The following RGS6 variants were observed in gnomAD, a reference collection of about 807,000 sequenced individuals.
The protein encoded by RGS6 is regulator of G-protein signaling 6.
In RGS6, 30 loss-of-function variants were observed where a neutral mutation model predicts 78.5. The observed-to-expected ratio is 0.38, with a 90% CI of 0.29 to 0.52. The LOEUF is 0.52. Ranked by LOEUF, RGS6 falls within the 20% of genes least tolerant of loss-of-function variation. The probability of loss-of-function intolerance (pLI) is 0.85; values close to 1 mark genes in which losing one functional copy is unlikely to be tolerated. For synonymous variants in RGS6, 206 were observed against 206.0 expected (o/e 1.00, Z 0.00); for missense variants, 495 against 609.7 (o/e 0.81, Z 1.98).
intron 3 of RGS6, among the ~76,000 whole-genome samples, chr14:72,403,384 C>T (rs1267791595): frequency 2.0e-5 from 3 of 152,142 alleles, no homozygotes; most frequent in Admixed American, 6.5e-5. Context: ...CATTCACATA[C>T]AGAAGCTGAA....
At position 72,472,880 on chromosome 14, in the gene RGS6, G is replaced by A. The variant is rs745879240; in HGVS notation, c.545G>A (p.Arg182Gln). 40 of 1,610,154 alleles carry A rather than the reference G, an allele frequency of 2.5e-5. No homozygotes were observed. The South Asian group carries it at 3.3e-4, about 13-fold the overall frequency. The part of the protein sequence containing the change: ...MQAEAQVKID[R>Q]KKDKTERKIL... ...TCTCTTTACTCTTTCAGGATTGACC[G>A]GAAAAAAGACAAGACAGAAAGGAAA... is the stretch of plus-strand genomic sequence containing the variant. The change falls in exon 9 of 18, where the codon CGG becomes CAG. Residue 182 changes from arginine to glutamine, a missense_variant. Transcript: ENST00000553525.
intron 2 of RGS6, among the ~76,000 whole-genome samples, chr14:72,167,894 G>T (rs1846216585): frequency 6.6e-6 from 1 of 152,076 alleles, no homozygotes; most frequent in Admixed American, 6.5e-5. Flanking sequence ...AATTACTCTG[G>T]CCCTATTGGA....
chr14:72,506,728 A>G (rs549715107), intron 13 of RGS6, among the ~76,000 whole-genome samples: 145 of 152,314 alleles, frequency 9.5e-4, no homozygotes, highest in Non-Finnish European at 1.5e-3. Flanking sequence ...CTAAAAATTC[A>G]TGTCTTTCCC....
chr14:72,538,631 T>A (rs1276380153), intron 16 of RGS6, among the ~76,000 whole-genome samples: 1 of 152,204 alleles, frequency 6.6e-6, no homozygotes, highest in East Asian at 1.9e-4. Flanking sequence ...TTGAGCCAAG[T>A]GTATGCCACC....
chr14:72,491,882 A>C (rs2096582692), intron 12 of RGS6, among the ~76,000 whole-genome samples: 1 of 152,214 alleles, frequency 6.6e-6, no homozygotes, highest in Non-Finnish European at 1.5e-5. Flanking sequence ...CAAGTCTGTC[A>C]CAGGAGACTT....
rs1206941140 is a variant in RGS6 at position 72,434,697 on chromosome 14, G to A, written c.185-19831G>A. ...GGCATTGTATCCAGCAGTCAACATA[G>A]TCCTAGAATATAGAAGGCCCTCATG... On this transcript the variant is annotated intron_variant, in intron 3 of 17. Transcript: ENST00000553525. 3.3e-5 allele frequency among the ~76,000 whole-genome samples: 5 copies of A among 152,176 alleles called. 1 individual carries two copies. The East Asian group carries it at 7.7e-4, about 23-fold the overall frequency.
chr14:72,472,048 A>T (rs1762549369), intron 8 of RGS6, among the ~76,000 whole-genome samples: 1 of 151,362 alleles, frequency 6.6e-6, no homozygotes, highest in South Asian at 2.1e-4. Flanking sequence ...CAGGGTGATT[A>T]TGGGTTTATT....
intron 2 of RGS6, among the ~76,000 whole-genome samples, chr14:72,208,521 G>T (rs2043222379): frequency 6.6e-6 from 1 of 152,166 alleles, no homozygotes; most frequent in Non-Finnish European, 1.5e-5. Flanking sequence ...TAGTATAATG[G>T]TCTTTCTATT....
chr14:72,021,508 A>T (rs1225146207), intron 2 of RGS6, among the ~76,000 whole-genome samples: 5 of 121,194 alleles, frequency 4.1e-5, no homozygotes, highest in African/African-American at 1.7e-4. Flanking sequence ...CGCTCTTGTC[A>T]CCTGGGCTGG....
chr14:71,951,609 G>T (rs1486475775), intron 1 of RGS6, among the ~76,000 whole-genome samples: 1 of 152,056 alleles, frequency 6.6e-6, no homozygotes, highest in African/African-American at 2.4e-5. Context: ...CTAACCATTT[G>T]CATTACTGTA....
chr14:72,512,277 C>T (rs564431492), intron 14 of RGS6, among the ~76,000 whole-genome samples: 22 of 152,316 alleles, frequency 1.4e-4, no homozygotes, highest in African/African-American at 4.6e-4. Context: ...GTCCCAGGAG[C>T]ATCCACTGGC....
At chr14:71,902,869 C>A in the RGS6 span, among the ~76,000 whole-genome samples, 2 of 152,028 alleles carry the variant, frequency 1.3e-5, no homozygotes, top group Admixed American at 1.3e-4. Context: ...CGTAGATGAA[C>A]AAATAATGGA....
chr14:72,375,008 C>G (rs2084343582), intron 3 of RGS6, among the ~76,000 whole-genome samples: 1 of 151,996 alleles, frequency 6.6e-6, no homozygotes, highest in Non-Finnish European at 1.5e-5. Context: ...TTTGACACAG[C>G]TAAACAAAGA....
chr14:72,540,737 G>C lies in RGS6; in HGVS notation c.1422+643G>C, dbSNP rs185596127. The C allele has an allele frequency of 9.1e-5, 117 of 1,291,530 alleles. No homozygotes were observed. The African/African-American group carries it at 1.6e-3, about 18-fold the overall frequency. 80.0% of individuals were successfully genotyped at this position (1,291,530 alleles called of 1,614,324 possible). On this transcript the variant is annotated intron_variant, in intron 17 of 17. Transcript: ENST00000553525. ...AGGAGGGAAGTAGCTGAATCCCTGC[G>C]GTGTCCTGGGTACTCCCCGGGGGCA...
chr14:72,553,044 ATGCACATG>A (rs1235839313), intron 17 of RGS6, among the ~76,000 whole-genome samples: 4 of 152,212 alleles, frequency 2.6e-5, no homozygotes, highest in African/African-American at 7.2e-5. Flanking sequence ...GCACTGGTGT[ATGCACATG>A]TGCACAGGTG....
At chr14:72,436,906 G>A (rs1305756895) in intron 3 of RGS6, among the ~76,000 whole-genome samples, 1 of 152,192 alleles carries the variant, frequency 6.6e-6, no homozygotes, top group Non-Finnish European at 1.5e-5. Flanking sequence ...GAGTCAGAGT[G>A]CAGAGTTGAA....
chr14:72,478,479 G>A, intron 12 of RGS6, 150 bp downstream of exon 12: 2 of 634,098 alleles, frequency 3.2e-6, no homozygotes, highest in Non-Finnish European at 5.6e-6. Context: ...CAGGCTCCAT[G>A]TGAGTATAAC....
intron 2 of RGS6, among the ~76,000 whole-genome samples, chr14:71,977,170 T>G (rs950832832): frequency 9.4e-6 from 1 of 106,764 alleles, no homozygotes; most frequent in African/African-American, 3.4e-5. Context: ...TAGCCCTTTG[T>G]CAGATGAGTA....
chr14:72,179,052 A>G (rs2097141348), intron 2 of RGS6, among the ~76,000 whole-genome samples: 1 of 152,244 alleles, frequency 6.6e-6, no homozygotes, highest in Non-Finnish European at 1.5e-5. Context: ...CAATCATAAA[A>G]ATAACCAGAA....
Sources: allele counts gnomAD v4.1 joint callset (sites outside exome capture counted in the v4.1 genomes callset), GRCh38; gene constraint gnomAD v4.1.1; transcripts MANE v1.5; gene names NCBI Gene and HGNC (gene_info 2026-07-23, HGNC 2026-07-21).